The following CLGN variants were observed in gnomAD, a reference collection of about 807,000 sequenced individuals.
The protein encoded by CLGN is calmegin.
In CLGN, 62 loss-of-function variants were observed where a neutral mutation model predicts 79.1. That is an observed-to-expected ratio of 0.78 (90% CI 0.64 to 0.97). The LOEUF is 0.97. Among genes scored for constraint, CLGN ranks in the 50% least tolerant of loss-of-function variants. The pLI is 0.00. For synonymous variants in CLGN, 225 were observed against 224.7 expected, an observed-to-expected ratio of 1.00 and a Z score of -0.01; for missense variants, 647 against 715.5, an observed-to-expected ratio of 0.90 and a Z score of 1.09.
At chr4:140,399,748 A>C (rs954159822) in intron 7 of CLGN, among the ~76,000 whole-genome samples, 8 of 152,190 alleles carry the variant, frequency 5.3e-5, no homozygotes, top group Non-Finnish European at 8.8e-5. Context: ...ATTATACTTG[A>C]GAATGGGAGA....
intron 5 of CLGN, among the ~76,000 whole-genome samples, chr4:140,404,319 T>A (rs1729054410): frequency 6.6e-6 from 1 of 152,156 alleles, no homozygotes; most frequent in South Asian, 2.1e-4. Flanking sequence ...GGTCTTGATC[T>A]CCTGACCTCG....
At chr4:140,419,280 C>A (rs1729413178) in intron 1 of CLGN, among the ~76,000 whole-genome samples, 1 of 151,912 alleles carries the variant, frequency 6.6e-6, no homozygotes, top group South Asian at 2.1e-4. Flanking sequence ...GTGCAGTGCA[C>A]CAGTATGGCA....
chr4:140,418,727 A>G (rs1057106131), intron 1 of CLGN, among the ~76,000 whole-genome samples: 67 of 150,656 alleles, frequency 4.4e-4, no homozygotes, highest in Non-Finnish European at 7.4e-4. Flanking sequence ...GGATGTGGAG[A>G]AATAGGAACA....
At chr4:140,413,163 A>G (rs1200274338) in intron 1 of CLGN, 76 bp from the exon 2 acceptor site, 2 of 1,102,468 alleles carry the variant, frequency 1.8e-6, no homozygotes, top group Non-Finnish European at 2.6e-6. Context: ...AGAAATAAAT[A>G]ATTTCTCCAT....
chr4:140,396,891 G>GTA (rs746057984), intron 8 of CLGN, among the ~76,000 whole-genome samples: 13,765 of 53,414 alleles, frequency 0.26, 940 homozygotes, highest in East Asian at 0.42. Flanking sequence ...ATATATATAT[G>GTA]TATATATATA....
intron 1 of CLGN, among the ~76,000 whole-genome samples, chr4:140,425,634 T>C (rs1729552847): frequency 7.1e-6 from 1 of 140,718 alleles, no homozygotes; most frequent in Non-Finnish European, 1.5e-5. Context: ...TTTTTTTTTT[T>C]TTTTTTTTTT....
Position 140,417,697 on chromosome 4 carries a change from A to G in CLGN, c.-9-4610T>C, listed in dbSNP as rs1043939936. Reference sequence around the variant, plus strand: ...CTACAAACCACTCCTCAATGAAATAAAAGAGGACACAAACAAATGGAAGAA... The same window carrying G: ...CTACAAACCACTCCTCAATGAAATAGAAGAGGACACAAACAAATGGAAGAA... On this transcript the variant is annotated intron_variant, in intron 1 of 14. Coordinates refer to ENST00000325617, the MANE Select transcript of CLGN (RefSeq NM_004362.3). Among the ~76,000 whole-genome samples the G allele has an allele frequency of 6.1e-4, 93 of 152,202 alleles. 2 individuals are homozygous for G. In the East Asian group the frequency reaches 0.018, roughly 29 times the overall value.
intron 10 of CLGN, 98 bp from the exon 11 acceptor site, chr4:140,394,139 A>G: frequency 1.3e-6 from 1 of 784,854 alleles, no homozygotes; most frequent in Non-Finnish European, 2.0e-6. Flanking sequence ...CGCAATGCTA[A>G]CTGGAAAAAA....
chr4:140,405,780 C>G (rs897097006), intron 5 of CLGN, among the ~76,000 whole-genome samples, 162 bp downstream of exon 5: 1 of 152,064 alleles, frequency 6.6e-6, no homozygotes, highest in Non-Finnish European at 1.5e-5. Flanking sequence ...TTATTGAAAG[C>G]ATGGATATGT....
At chr4:140,394,267 G>C (rs868328563) in intron 10 of CLGN, among the ~76,000 whole-genome samples, 1 of 152,108 alleles carries the variant, frequency 6.6e-6, no homozygotes, top group Non-Finnish European at 1.5e-5. Context: ...GCAAGAAAAG[G>C]AAAAGGGAAA....
intron 5 of CLGN, among the ~76,000 whole-genome samples, chr4:140,404,314 T>G (rs183952466): frequency 7.9e-5 from 12 of 152,200 alleles, no homozygotes; most frequent in African/African-American, 2.6e-4. Context: ...AGGATGGTCT[T>G]GATCTCCTGA....
At chr4:140,409,810 T>C (rs1192705864) in intron 4 of CLGN, 27 bp downstream of exon 4, 1 of 1,470,750 alleles carries the variant, frequency 6.8e-7, no homozygotes, top group South Asian at 1.2e-5. Flanking sequence ...ATACTGGTTA[T>C]ATCTAATACT....
intron 7 of CLGN, among the ~76,000 whole-genome samples, chr4:140,399,930 T>C (rs1043386006): frequency 1.3e-5 from 2 of 152,234 alleles, no homozygotes; most frequent in East Asian, 1.9e-4. Flanking sequence ...CTAAACTTTT[T>C]AGTCTGGCAT....
rs1728727323 is a variant in CLGN at position 140,389,131 on chromosome 4, AG to A, written c.*92del. ...TATAATGTTGCTAGATATTAGAAAC[AG>A]GATGTGCAGACTGATTAAAGTTCAG... On this transcript the variant is annotated 3_prime_UTR_variant, in exon 15 of 15. Transcript: ENST00000325617. The A allele has an allele frequency of 1.7e-5, 15 of 883,546 alleles. No individual in the cohort carries two copies. The highest frequency in any genetic ancestry group is 2.6e-5 in the Non-Finnish European group (14 of 536,300). 54.7% of individuals were successfully genotyped at this position (883,546 alleles called of 1,614,324 possible).
intron 4 of CLGN, among the ~76,000 whole-genome samples, chr4:140,408,605 C>A (rs1303394858): frequency 6.6e-6 from 1 of 151,774 alleles, no homozygotes; most frequent in Non-Finnish European, 1.5e-5. Context: ...CAAGGAAATG[C>A]AAATTAAAAC....
chr4:140,407,163 CCT>C (rs1475653660), intron 4 of CLGN, among the ~76,000 whole-genome samples: 4 of 151,916 alleles, frequency 2.6e-5, no homozygotes, highest in Non-Finnish European at 5.9e-5. Flanking sequence ...TCTTTCTCCC[CCT>C]GATTTGGTCA....
intron 10 of CLGN, among the ~76,000 whole-genome samples, chr4:140,394,360 G>T (rs906743458): frequency 3.3e-5 from 5 of 152,128 alleles, no homozygotes; most frequent in African/African-American, 1.2e-4. Flanking sequence ...GTTATTCATT[G>T]CAAAATGTTA....
intron 8 of CLGN, among the ~76,000 whole-genome samples, chr4:140,396,900 TATATATGTATATATATATATATACAC>T (rs1422652595): frequency 4.9e-5 from 3 of 60,900 alleles, no homozygotes; most frequent in Non-Finnish European, 1.1e-4. Flanking sequence ...TGTATATATA[TATATATGTATATATATATATATACAC>T]ATATATATAT....
At position 140,389,116 on chromosome 4, in the gene CLGN, C is replaced by G. The variant is rs1306911889; in HGVS notation, c.*108G>C. 1.3e-6 allele frequency: 1 copy of G among 797,956 alleles called. No individual in the cohort carries two copies. Among genetic ancestry groups the G allele is most frequent in the African/African-American group, 1.7e-5 (1 of 57,656 alleles). The allele number at this position is 797,956 out of a possible 1,614,324, so 49.4% of individuals were successfully genotyped here. On this transcript the variant is annotated 3_prime_UTR_variant, in exon 15 of 15. Transcript: ENST00000325617. ...AAATGTCTGAAAGAATATAATGTTG[C>G]TAGATATTAGAAACAGGATGTGCAG...
Sources: gnomAD v4.1 joint callset for allele counts (sites outside exome capture counted in the v4.1 genomes callset) on GRCh38, gnomAD v4.1.1 for gene constraint, MANE v1.5 for transcripts, NCBI Gene and HGNC (gene_info 2026-07-23, HGNC 2026-07-21) for gene names.